EYA4: variants seen among roughly 807,000 people sequenced by gnomAD.
EYA4 encodes the protein EYA transcriptional coactivator and phosphatase 4.
EYA4 carries 31 observed loss-of-function variants against 87.9 expected under a neutral mutation model. That is an observed-to-expected ratio of 0.35 (90% CI 0.27 to 0.48). The LOEUF is 0.48. EYA4 is among the 20% of genes least tolerant of loss of function. EYA4 has a pLI of 0.99. For missense variants in EYA4, 678 were observed against 761.4 expected, an observed-to-expected ratio of 0.89 and a Z score of 1.29; for synonymous variants, 263 against 270.6, an observed-to-expected ratio of 0.97 and a Z score of 0.28.
intron 18 of EYA4, among the ~76,000 whole-genome samples, chr6:133,523,572 C>T (rs969935074): frequency 3.3e-5 from 5 of 151,998 alleles, no homozygotes; most frequent in African/African-American, 7.3e-5. Context: ...ATGGATTGAA[C>T]GAGTGCCCTT....
intron 9 of EYA4, among the ~76,000 whole-genome samples, chr6:133,463,549 C>T (rs1003994222): frequency 5.9e-5 from 9 of 151,758 alleles, no homozygotes; most frequent in Non-Finnish European, 1.3e-4. Context: ...TTAGTAGTGA[C>T]GGGGTTTCAC....
At chr6:133,249,945 G>A (rs148294855) in intron 1 of EYA4, among the ~76,000 whole-genome samples, 73 of 152,238 alleles carry the variant, frequency 4.8e-4, no homozygotes, top group African/African-American at 1.6e-3. Flanking sequence ...TTTCTGTATC[G>A]CTAATGCACA....
chr6:133,409,422 T>C (rs946529094), intron 3 of EYA4, among the ~76,000 whole-genome samples: 1 of 151,664 alleles, frequency 6.6e-6, no homozygotes, highest in African/African-American at 2.4e-5. Context: ...GCTAGGTGAA[T>C]ATGGCAGACG....
At chr6:133,441,886 A>G (rs923829584) in intron 3 of EYA4, among the ~76,000 whole-genome samples, 12 of 152,116 alleles carry the variant, frequency 7.9e-5, no homozygotes, top group African/African-American at 2.7e-4. Flanking sequence ...CAATACTGAC[A>G]TATTGATTCT....
At position 133,446,817 on chromosome 6, in the gene EYA4, T is replaced by G; in HGVS notation, c.208+63T>G. 3 of 1,449,030 alleles carry G rather than the reference T, an allele frequency of 2.1e-6. 1 individual carries two copies. The highest frequency in any genetic ancestry group is 2.9e-6 in the Non-Finnish European group (3 of 1,032,056). The allele number at this position is 1,449,030 out of a possible 1,614,324, so 89.8% of individuals were successfully genotyped here. On this transcript the variant is annotated intron_variant, in intron 4 of 19. Coordinates refer to ENST00000355286, the MANE Select transcript of EYA4 (RefSeq NM_004100.5). The stretch of plus-strand genomic sequence containing the variant: ...TCAATGTTTGCTTTAATTTTACTTC[T>G]TAGAGATCTGCTAATAAATAAATAT...
intron 19 of EYA4, among the ~76,000 whole-genome samples, chr6:133,527,438 T>G (rs1436608713): frequency 6.6e-6 from 1 of 152,216 alleles, no homozygotes; most frequent in Non-Finnish European, 1.5e-5. Flanking sequence ...AAGCTGTATA[T>G]GTAGTTTGAA....
At chr6:133,340,271 G>A (rs1012572139) in intron 2 of EYA4, among the ~76,000 whole-genome samples, 1 of 152,160 alleles carries the variant, frequency 6.6e-6, no homozygotes, top group Non-Finnish European at 1.5e-5. Context: ...GCAACGGATG[G>A]TATAATCCTG....
chr6:133,286,925 A>G (rs1278681384), intron 2 of EYA4, among the ~76,000 whole-genome samples: 1 of 152,096 alleles, frequency 6.6e-6, no homozygotes, highest in Non-Finnish European at 1.5e-5. Context: ...GCTGTCCTGT[A>G]CATTGTGTTA....
At chr6:133,313,618 A>G (rs1436238786) in intron 2 of EYA4, among the ~76,000 whole-genome samples, 3 of 152,228 alleles carry the variant, frequency 2.0e-5, no homozygotes, top group African/African-American at 7.2e-5. Flanking sequence ...AACTGGATTC[A>G]GTTATCTTAT....
At chr6:133,428,911 CTTTTTTTTTTT>C (rs58727159) in intron 3 of EYA4, among the ~76,000 whole-genome samples, 46 of 48,226 alleles carry the variant, frequency 9.5e-4, no homozygotes, top group Non-Finnish European at 1.4e-3. Flanking sequence ...GATTTAGCTT[CTTTTTTTTTTT>C]TTTTTTTTTT....
At chr6:133,502,836 A>T (rs766470391) in intron 13 of EYA4, among the ~76,000 whole-genome samples, 2 of 152,216 alleles carry the variant, frequency 1.3e-5, no homozygotes, top group East Asian at 3.9e-4. Flanking sequence ...GGCATGGCTG[A>T]TGAAACCTCT....
intron 2 of EYA4, among the ~76,000 whole-genome samples, chr6:133,286,582 C>T (rs1013952344): frequency 1.3e-5 from 2 of 152,072 alleles, no homozygotes; most frequent in Non-Finnish European, 2.9e-5. Context: ...AATTTTCCTC[C>T]GAGGTGCTTC....
chr6:133,301,748 C>T (rs980298640), intron 2 of EYA4, among the ~76,000 whole-genome samples: 21 of 152,312 alleles, frequency 1.4e-4, no homozygotes, highest in African/African-American at 4.8e-4. Context: ...AAGCTCTTAT[C>T]TACTGTGTCA....
chr6:133,452,282 T>G (rs1333723397), intron 5 of EYA4, among the ~76,000 whole-genome samples: 1 of 152,188 alleles, frequency 6.6e-6, no homozygotes, highest in Non-Finnish European at 1.5e-5. Context: ...ATATGTAGTT[T>G]TTTAAATGGA....
At chr6:133,404,093 C>T (rs542260576) in intron 3 of EYA4, among the ~76,000 whole-genome samples, 8 of 152,224 alleles carry the variant, frequency 5.3e-5, no homozygotes, top group Admixed American at 3.3e-4. Flanking sequence ...AGATTACAGG[C>T]GTGAGCCACT....
chr6:133,426,276 G>T (rs377333202), intron 3 of EYA4, among the ~76,000 whole-genome samples: 15 of 152,246 alleles, frequency 9.9e-5, no homozygotes, highest in African/African-American at 3.1e-4. Context: ...TTACCTAATA[G>T]GTACTCGGCA....
At chr6:133,304,630 A>G (rs1317471447) in intron 2 of EYA4, among the ~76,000 whole-genome samples, 1 of 152,144 alleles carries the variant, frequency 6.6e-6, no homozygotes, top group East Asian at 1.9e-4. Flanking sequence ...CTTTATCTTG[A>G]GAGGAAGTAG....
chr6:133,522,734 A>C (rs1800292609), intron 17 of EYA4, among the ~76,000 whole-genome samples: 1 of 152,216 alleles, frequency 6.6e-6, no homozygotes, highest in Non-Finnish European at 1.5e-5. Flanking sequence ...TCGAAACTTT[A>C]AAAGCCTGTG....
At chr6:133,424,124 T>C (rs941761850) in intron 3 of EYA4, among the ~76,000 whole-genome samples, 25 of 152,310 alleles carry the variant, frequency 1.6e-4, no homozygotes, top group African/African-American at 5.8e-4. Context: ...GTAGCTCCTC[T>C]TTCTGCTGGT....
Sources: gnomAD v4.1 joint callset for allele counts (sites outside exome capture counted in the v4.1 genomes callset) on GRCh38, gnomAD v4.1.1 for gene constraint, MANE v1.5 for transcripts, NCBI Gene and HGNC (gene_info 2026-07-23, HGNC 2026-07-21) for gene names.